The following FBXW5 variants were observed in gnomAD, a reference collection of about 807,000 sequenced individuals.
The protein encoded by FBXW5 is F-box/WD repeat-containing protein 5.
In FBXW5, 74 loss-of-function variants were observed where a neutral mutation model predicts 50.9. The observed-to-expected ratio is 1.45, with a 90% CI of 1.20 to 1.76. FBXW5 has a LOEUF of 1.76. Ranked by LOEUF, FBXW5 falls within the 40% of genes most tolerant of loss-of-function variation. The pLI is 0.00. For missense variants in FBXW5, 1,073 were observed against 818.8 expected (o/e 1.31, Z -3.79); for synonymous variants, 523 against 362.2 (o/e 1.44, Z -5.04).
rs1485270387 is a variant in FBXW5 at position 136,940,745 on chromosome 9, A to G, written c.*183T>C. On this transcript the variant is annotated 3_prime_UTR_variant, in exon 9 of 9. Coordinates refer to ENST00000325285, the MANE Select transcript of FBXW5 (RefSeq NM_018998.4). Reference sequence around the variant, plus strand: ...GCCTTGGGCTCCATCTGCACTGGCCACCCCGTGCCAAGCATCACAGCTGCG... The same window carrying G: ...GCCTTGGGCTCCATCTGCACTGGCCGCCCCGTGCCAAGCATCACAGCTGCG... The G allele has an allele frequency of 1.1e-5, 11 of 1,028,574 alleles. No homozygotes were observed. The Admixed American group carries it at 2.8e-4, about 26-fold the overall frequency. The allele number at this position is 1,028,574 out of a possible 1,614,324, so 63.7% of individuals were successfully genotyped here.
Position 136,940,757 on chromosome 9 carries a change from G to A in FBXW5, c.*171C>T, listed in dbSNP as rs1850718091. 1.8e-6 allele frequency: 2 copies of A among 1,128,268 alleles called. No individual in the cohort carries two copies. The highest frequency in any genetic ancestry group is 1.6e-5 in the South Asian group (1 of 62,078). 69.9% of individuals were successfully genotyped at this position (1,128,268 alleles called of 1,614,324 possible). A position where few individuals can be genotyped will look rare whatever the true frequency, so the allele number is the denominator to read the frequency against. On this transcript the variant is annotated 3_prime_UTR_variant, in exon 9 of 9. Transcript: ENST00000325285. ...ATCTGCACTGGCCACCCCGTGCCAA[G>A]CATCACAGCTGCGTGAGCAGGTTTG... is the stretch of plus-strand genomic sequence containing the variant.
intron 3 of FBXW5, 72 bp from the exon 4 acceptor site, chr9:136,943,015 T>C (rs756492092): frequency 3.1e-5 from 50 of 1,601,250 alleles, no homozygotes; most frequent in Non-Finnish European, 2.5e-5. Flanking sequence ...TACACAGCCA[T>C]GAGGCCCCAG....
Position 136,942,174 on chromosome 9 carries a change from A to C in FBXW5, c.968T>G (p.Leu323Arg). The part of the protein sequence containing the change: ...RAQPQLSERM[L>R]ETKVAELLAQ... ...CAGCAGCTCGGCCACCTTGGTCTCTAGCATGCGCTCCGACAGCTGTGGCTG... is the reference window on the plus strand; with the variant it reads ...CAGCAGCTCGGCCACCTTGGTCTCTCGCATGCGCTCCGACAGCTGTGGCTG... The change falls in exon 6 of 9, where the codon CTA becomes CGA. Residue 323 changes from leucine to arginine, a missense_variant. By Grantham distance (102) the Leu-to-Arg change is moderately radical (BLOSUM62 -2). Transcript: ENST00000325285. The C allele has an allele frequency of 6.3e-7, 1 of 1,598,466 alleles. No individual in the cohort carries two copies. The highest frequency in any genetic ancestry group is 8.5e-7 in the Non-Finnish European group (1 of 1,173,410).
In FBXW5 at chr9:136,941,699, A is replaced by G. The variant is rs114934523; in HGVS notation, c.1097-15T>C. The G allele has an allele frequency of 6.3e-4, 973 of 1,547,958 alleles. 6 individuals carry two copies. The African/African-American group carries it at 9.7e-3, about 16-fold the overall frequency. ...CTGCTTGATGCCTGCAGGGAGGGCT[A>G]CGGTGAGGGTCCCTGTCCAATGCCC... On this transcript the variant is annotated splice_polypyrimidine_tract_variant and intron_variant, in intron 6 of 8. Transcript: ENST00000325285.
At position 136,940,777 on chromosome 9, in the gene FBXW5, G is replaced by T; in HGVS notation, c.*151C>A. On this transcript the variant is annotated 3_prime_UTR_variant, in exon 9 of 9. Coordinates refer to ENST00000325285, the MANE Select transcript of FBXW5 (RefSeq NM_018998.4). ...GCCAAGCATCACAGCTGCGTGAGCA[G>T]GTTTGTGTGTGAGCGTGTGGCGGGG... The T allele has an allele frequency of 8.0e-7, 1 of 1,248,456 alleles. No homozygotes were observed. The highest frequency in any genetic ancestry group is 1.1e-6 in the Non-Finnish European group (1 of 921,526). The allele number at this position is 1,248,456 out of a possible 1,614,324, so 77.3% of individuals were successfully genotyped here.
At chr9:136,944,191 C>T (rs13299541) in intron 1 of FBXW5, 85 bp from the exon 2 acceptor site, 1 of 1,383,696 alleles carries the variant, frequency 7.2e-7, no homozygotes, top group South Asian at 1.5e-5. Context: ...CCCCAACCGT[C>T]CCGCCGGGAG....
chr9:136,941,880 T>C, intron 6 of FBXW5, 166 bp downstream of exon 6: 2 of 1,435,522 alleles, frequency 1.4e-6, no homozygotes, highest in Non-Finnish European at 1.8e-6. Context: ...GCGTTTGTTT[T>C]CACTGCTCAT....
At position 136,944,668 on chromosome 9, in the gene FBXW5, G is replaced by C. The variant is rs902585338; in HGVS notation, c.-98C>G. ...CCGCTTCCGCTGCCGCAGCCGCTCG[G>C]ACCGCCGCCCCCGCCCAACGGGGAG... On this transcript the variant is annotated 5_prime_UTR_variant, in exon 1 of 9. Transcript: ENST00000325285. The C allele has an allele frequency of 1.0e-6, 1 of 985,502 alleles. No individual in the cohort carries two copies. The highest frequency in any genetic ancestry group is 6.2e-5 in the Admixed American group (1 of 16,214). The allele number at this position is 985,502 out of a possible 1,614,324, so 61.0% of individuals were successfully genotyped here.
Position 136,943,823 on chromosome 9 carries a change from G to T in FBXW5, c.193+68C>A, listed in dbSNP as rs1400174173. 6.7e-7 allele frequency: 1 copy of T among 1,495,966 alleles called. No individual in the cohort carries two copies. Among genetic ancestry groups the T allele is most frequent in the Non-Finnish European group, 9.0e-7 (1 of 1,107,870 alleles). 92.7% of individuals were successfully genotyped at this position (1,495,966 alleles called of 1,614,324 possible). A position where few individuals can be genotyped will look rare whatever the true frequency, so the allele number is the denominator to read the frequency against. ...CGCGGGGCGGGCCCCCAGCCAGGCT[G>T]ACCCCCAAGCGCAGGGGCCCGGGGC... On this transcript the variant is annotated intron_variant, in intron 2 of 8. Coordinates refer to ENST00000325285, the MANE Select transcript of FBXW5 (RefSeq NM_018998.4).
At position 136,944,608 on chromosome 9, in the gene FBXW5, C is replaced by T. The variant is rs557465893; in HGVS notation, c.-38G>A. 368 of 984,360 alleles carry T rather than the reference C, an allele frequency of 3.7e-4. No individual in the cohort carries two copies. The highest frequency in any genetic ancestry group is 5.3e-4 in the Middle Eastern group (1 of 1,902). The allele number at this position is 984,360 out of a possible 1,614,324, so 61.0% of individuals were successfully genotyped here. A position where few individuals can be genotyped will look rare whatever the true frequency, so the allele number is the denominator to read the frequency against. On this transcript the variant is annotated 5_prime_UTR_variant, in exon 1 of 9. Transcript: ENST00000325285. ...GGCGCACTCACCACGGCCGCCTCCG[C>T]CCGCTGCGCCGCCCCCGCCCTGCGC...
rs149671778 is a variant in FBXW5 at position 136,942,538 on chromosome 9, C to T, written c.675+9G>A. On this transcript the variant is annotated intron_variant, in intron 5 of 8. Transcript: ENST00000325285. ...AGGAGGGCAGCCCCGCCCCTAGCCC[C>T]GCACGCACCTGGAAGGCATTGTTGA... The T allele has an allele frequency of 2.3e-3, 3,641 of 1,608,896 alleles. 10 individuals carry two copies. Among genetic ancestry groups the T allele is most frequent in the Non-Finnish European group, 2.9e-3 (3,403 of 1,177,136 alleles).
In FBXW5 at chr9:136,942,385, T is replaced by C. The variant is rs573094125; in HGVS notation, c.757A>G (p.Met253Val). 2 of 1,611,696 alleles carry C rather than the reference T, an allele frequency of 1.2e-6. No individual in the cohort carries two copies. Among genetic ancestry groups the C allele is most frequent in the African/African-American group, 1.3e-5 (1 of 75,012 alleles). ...NLNASTVRTV[M>V]VADCSRFDSP... ...TCGAAGCGGCTGCAGTCGGCCACCATCACCGTGCGGACGGTGCTGGCATTG... is the reference window on the plus strand; with the variant it reads ...TCGAAGCGGCTGCAGTCGGCCACCACCACCGTGCGGACGGTGCTGGCATTG... Residue 253 changes from methionine to valine, a missense_variant, in exon 6 of 9, where the codon ATG (methionine) becomes GTG (valine). Physicochemically the swap from Met to Val is conservative, Grantham distance 21. Transcript: ENST00000325285.
Position 136,942,358 on chromosome 9 carries a change from T to C in FBXW5, c.784A>G (p.Ser262Gly). ...VMVADCSRFDSPDLLLEAGDP... is the reference protein window; with the variant it reads ...VMVADCSRFDGPDLLLEAGDP... ...CCGGCTTCCAGCAGCAGGTCAGGGC[T>C]GTCGAAGCGGCTGCAGTCGGCCACC... Residue 262 changes from serine to glycine, a missense_variant, in exon 6 of 9, where the codon AGC (serine) becomes GGC (glycine). Ser to Gly is a moderately conservative substitution (Grantham distance 56). Transcript: ENST00000325285. 6.2e-7 allele frequency: 1 copy of C among 1,608,404 alleles called. No homozygotes were observed. The highest frequency in any genetic ancestry group is 8.5e-7 in the Non-Finnish European group (1 of 1,178,076).
intron 3 of FBXW5, 101 bp downstream of exon 3, chr9:136,943,243 GACCCA>G: frequency 3.1e-5 from 37 of 1,176,134 alleles, no homozygotes; most frequent in Non-Finnish European, 4.4e-5. Flanking sequence ...CCTCTGGCCT[GACCCA>G]CCCCCCCCCC....
At position 136,940,767 on chromosome 9, in the gene FBXW5, T is replaced by C. The variant is rs894646996; in HGVS notation, c.*161A>G. The stretch of plus-strand genomic sequence containing the variant: ...GCCACCCCGTGCCAAGCATCACAGC[T>C]GCGTGAGCAGGTTTGTGTGTGAGCG... On this transcript the variant is annotated 3_prime_UTR_variant, in exon 9 of 9. Transcript: ENST00000325285. The C allele has an allele frequency of 1.2e-5, 14 of 1,190,778 alleles. No individual in the cohort carries two copies. Among genetic ancestry groups the C allele is most frequent in the African/African-American group, 3.1e-5 (2 of 65,108 alleles). The allele number at this position is 1,190,778 out of a possible 1,614,324, so 73.8% of individuals were successfully genotyped here.
Position 136,942,409 on chromosome 9 carries a change from T to C in FBXW5, c.733A>G (p.Asn245Asp). ...VKRLFKIQNLNASTVRTVMVA... is the reference protein window; with the variant it reads ...VKRLFKIQNLDASTVRTVMVA... Reference sequence around the variant, plus strand: ...ATCACCGTGCGGACGGTGCTGGCATTGAGGTTCTGGATCTTGAACAGCCGC... The same window carrying C: ...ATCACCGTGCGGACGGTGCTGGCATCGAGGTTCTGGATCTTGAACAGCCGC... Residue 245 changes from asparagine to aspartate, a missense_variant, in exon 6 of 9, where the codon AAT becomes GAT. Transcript: ENST00000325285. 1.2e-6 allele frequency: 2 copies of C among 1,608,418 alleles called. No homozygotes were observed. Among genetic ancestry groups the C allele is most frequent in the Non-Finnish European group, 8.5e-7 (1 of 1,176,670 alleles).
At position 136,942,940 on chromosome 9, in the gene FBXW5, A is replaced by C. The variant is rs1020576436; in HGVS notation, c.355T>G (p.Trp119Gly). The C allele has an allele frequency of 3.1e-6, 5 of 1,612,808 alleles. No individual in the cohort carries two copies. Among genetic ancestry groups the C allele is most frequent in the Admixed American group, 1.7e-5 (1 of 59,986 alleles). ...SCSKDCTVKIWSNDLTISLLH... is the reference protein window; with the variant it reads ...SCSKDCTVKIGSNDLTISLLH... ...AGCGAGATGGTCAGGTCGTTGCTCC[A>C]GATCTGTTCGGCAGGGGCGGCTGTA... Residue 119 changes from tryptophan to glycine, a missense_variant, in exon 4 of 9, where the codon TGG (tryptophan) becomes GGG (glycine). By Grantham distance (184) the Trp-to-Gly change is radical (BLOSUM62 -2). Transcript: ENST00000325285.
chr9:136,942,995 G>C (rs772814123), intron 3 of FBXW5, 52 bp from the exon 4 acceptor site: 4 of 1,608,158 alleles, frequency 2.5e-6, no homozygotes, highest in Non-Finnish European at 3.4e-6. Flanking sequence ...GCGGGGCGGG[G>C]GCCTGCTACT....
At chr9:136,941,990 C>G in intron 6 of FBXW5, 56 bp downstream of exon 6, 1 of 1,527,626 alleles carries the variant, frequency 6.5e-7, no homozygotes, top group South Asian at 1.3e-5. Flanking sequence ...GGACCCCTGC[C>G]CGGCCTCCCC....
Sources: gnomAD v4.1 joint callset for allele counts on GRCh38, gnomAD v4.1.1 for gene constraint, MANE v1.5 for transcripts, NCBI Gene and HGNC (gene_info 2026-07-23, HGNC 2026-07-21) for gene names.